Variants in STX19 observed in about 807,000 individuals in gnomAD.
STX19 encodes syntaxin 19.
STX19 carries 26 observed loss-of-function variants against 24.3 expected under a neutral mutation model. That is an observed-to-expected ratio of 1.07 (90% confidence interval 0.78 to 1.48). The LOEUF is 1.48. Among genes scored for constraint, STX19 ranks in the 40% most tolerant of loss-of-function variants. STX19 has a pLI of 0.00. For synonymous variants in STX19, 116 were observed against 106.9 expected (o/e 1.09, Z -0.52); for missense variants, 367 against 331.9 (o/e 1.11, Z -0.82).
intron 1 of STX19, among the ~76,000 whole-genome samples, chr3:94,022,249 C>G (rs1352800909): frequency 2.0e-5 from 3 of 152,098 alleles, no homozygotes; most frequent in Non-Finnish European, 4.4e-5. Context: ...CCTCAGCCTC[C>G]TGAGTAGCTG....
At chr3:94,018,527 G>A (rs1489189809) in intron 1 of STX19, among the ~76,000 whole-genome samples, 2 of 151,954 alleles carry the variant, frequency 1.3e-5, no homozygotes, top group African/African-American at 4.8e-5. Flanking sequence ...TTTAGACTGA[G>A]TCTCATTTTT....
intron 1 of STX19, among the ~76,000 whole-genome samples, chr3:94,023,049 T>G (rs2076482923): frequency 6.6e-6 from 1 of 152,030 alleles, no homozygotes; most frequent in South Asian, 2.1e-4. Flanking sequence ...TCTTCCTCTT[T>G]TATATTCTCT....
intron 1 of STX19, among the ~76,000 whole-genome samples, chr3:94,022,618 A>G (rs1559992179): frequency 1.3e-5 from 2 of 152,104 alleles, no homozygotes. Flanking sequence ...CACCTAAGGT[A>G]CTGTAGCTGT....
At chr3:94,022,601 T>C (rs892643415) in intron 1 of STX19, among the ~76,000 whole-genome samples, 17 of 152,192 alleles carry the variant, frequency 1.1e-4, no homozygotes, top group African/African-American at 4.1e-4. Flanking sequence ...ATTATTTATA[T>C]GTGAGTCACC....
At chr3:94,015,659 A>G (rs1469815748) in intron 1 of STX19, among the ~76,000 whole-genome samples, 1 of 152,152 alleles carries the variant, frequency 6.6e-6, no homozygotes, top group Non-Finnish European at 1.5e-5. Flanking sequence ...CCTTGTTACT[A>G]AAGATACTGT....
chr3:94,016,240 G>T (rs540495655), intron 1 of STX19, among the ~76,000 whole-genome samples: 1 of 152,066 alleles, frequency 6.6e-6, no homozygotes, highest in South Asian at 2.1e-4. Context: ...GATAAGAAGA[G>T]GCTGTTAGGG....
chr3:94,017,075 A>G (rs2076349533), intron 1 of STX19, among the ~76,000 whole-genome samples: 1 of 152,230 alleles, frequency 6.6e-6, no homozygotes, highest in Non-Finnish European at 1.5e-5. Context: ...AGGGGAACTC[A>G]ATAAACTTCT....
intron 1 of STX19, among the ~76,000 whole-genome samples, chr3:94,027,817 T>G (rs2076589600): frequency 6.6e-6 from 1 of 152,118 alleles, no homozygotes; most frequent in Non-Finnish European, 1.5e-5. Flanking sequence ...TAAAGGTTAG[T>G]GAGTACTTCG....
Position 94,017,969 on chromosome 3 carries a change from G to A in STX19, c.-13-2687C>T, listed in dbSNP as rs560877174. Among the ~76,000 whole-genome samples the A allele has an allele frequency of 7.9e-5, 12 of 152,230 alleles. No individual in the cohort carries two copies. In the South Asian group the frequency reaches 1.9e-3, roughly 24 times the overall value. Reference sequence around the variant, plus strand: ...AAGGACTTGTGGGCCAAAGGAAGGAGTTTAGATTTTATTCTAGGTGCAGTA... The same window carrying A: ...AAGGACTTGTGGGCCAAAGGAAGGAATTTAGATTTTATTCTAGGTGCAGTA... On this transcript the variant is annotated intron_variant, in intron 1 of 1. Transcript: ENST00000315099.
At position 94,015,193 on chromosome 3, in the gene STX19, G is replaced by A. The variant is rs2076305526; in HGVS notation, c.77C>T (p.Thr26Ile). Residue 26 changes from threonine (T) to isoleucine (I), a missense_variant, in exon 2 of 2, where the codon ACA (threonine) becomes ATA (isoleucine). By Grantham distance (89) the Thr-to-Ile change is moderately conservative. Transcript: ENST00000315099. ...ELSRDSHVST[T>I]ETEEQGVFLQ... ...AAACACCCCTTGTTCCTCTGTTTCT[G>A]TAGTTGATACATGACTGTCTCTAGA... The A allele has an allele frequency of 6.2e-7, 1 of 1,613,346 alleles. No individual in the cohort carries two copies. The highest frequency in any genetic ancestry group is 1.3e-5 in the African/African-American group (1 of 74,980).
intron 1 of STX19, 135 bp downstream of exon 1, chr3:94,028,232 G>A (rs2076598504): frequency 6.6e-6 from 1 of 152,082 alleles, no homozygotes; most frequent in Non-Finnish European, 1.5e-5. Context: ...ATCAGCTACT[G>A]GTACCCCGGT....
At chr3:94,026,686 G>A (rs1300899682) in intron 1 of STX19, among the ~76,000 whole-genome samples, 6 of 152,048 alleles carry the variant, frequency 3.9e-5, no homozygotes, top group African/African-American at 1.2e-4. Flanking sequence ...GCTTAGACTA[G>A]GTGAAATTGA....
chr3:94,015,674 G>A (rs140247076), intron 1 of STX19, among the ~76,000 whole-genome samples: 6 of 152,006 alleles, frequency 3.9e-5, no homozygotes, highest in African/African-American at 9.6e-5. Context: ...TACTGTTTCC[G>A]GTTAATTTGG....
At chr3:94,025,411 C>A (rs2076535542) in intron 1 of STX19, among the ~76,000 whole-genome samples, 1 of 152,042 alleles carries the variant, frequency 6.6e-6, no homozygotes, top group South Asian at 2.1e-4. Flanking sequence ...CTGTGTTTGT[C>A]TTGGTTTATG....
chr3:94,025,991 C>T (rs1429285385), intron 1 of STX19, among the ~76,000 whole-genome samples: 2 of 151,844 alleles, frequency 1.3e-5, no homozygotes, highest in East Asian at 3.9e-4. Context: ...AAGTATGTTT[C>T]CTCATCATTT....
chr3:94,021,114 G>A (rs1404638063), intron 1 of STX19, among the ~76,000 whole-genome samples: 4 of 151,560 alleles, frequency 2.6e-5, no homozygotes, highest in Non-Finnish European at 4.4e-5. Flanking sequence ...AATATTAGAC[G>A]ATACTATAGA....
At chr3:94,022,146 A>G (rs113356170) in intron 1 of STX19, among the ~76,000 whole-genome samples, 1,740 of 151,996 alleles carry the variant, frequency 0.011, 19 homozygotes, top group Non-Finnish European at 0.02. Context: ...TTTTTGAGAC[A>G]GAGTTTCGCT....
chr3:94,025,901 A>G (rs1170960526), intron 1 of STX19, among the ~76,000 whole-genome samples: 2 of 152,196 alleles, frequency 1.3e-5, no homozygotes, highest in African/African-American at 2.4e-5. Flanking sequence ...CTATAATGCA[A>G]CAAACTCTAA....
chr3:94,016,490 A>G (rs1001247204), intron 1 of STX19, among the ~76,000 whole-genome samples: 3 of 152,176 alleles, frequency 2.0e-5, no homozygotes, highest in Admixed American at 1.3e-4. Context: ...AATAGTGTGG[A>G]ACTTTATACT....
Sources: allele counts gnomAD v4.1 joint callset (sites outside exome capture counted in the v4.1 genomes callset), GRCh38; gene constraint gnomAD v4.1.1; transcripts MANE v1.5; gene names NCBI Gene and HGNC (gene_info 2026-07-23, HGNC 2026-07-21).